GALNT13: variants seen among roughly 807,000 people sequenced by gnomAD.
GALNT13 encodes the protein UDP-GalNAc:polypeptide N-acetylgalactosaminyltransferase 13.
GALNT13 carries 28 observed loss-of-function variants against 64.2 expected under a neutral mutation model. That is an observed-to-expected ratio of 0.44 (90% CI 0.32 to 0.60). GALNT13 has a LOEUF of 0.60. GALNT13 is among the 20% of genes least tolerant of loss of function. GALNT13 has a pLI of 0.05. For synonymous variants in GALNT13, 214 were observed against 224.6 expected (o/e 0.95, Z 0.42); for missense variants, 577 against 669.8 (o/e 0.86, Z 1.53).
chr2:153,761,968 T>A, the GALNT13 span: 1 of 183,346 alleles, frequency 5.5e-6, no homozygotes, highest in Non-Finnish European at 1.2e-5. Context: ...TCTTTCACCA[T>A]GAAATGTTAT....
chr2:153,479,511 C>T, the GALNT13 span, among the ~76,000 whole-genome samples: 1 of 152,124 alleles, frequency 6.6e-6, no homozygotes, highest in East Asian at 1.9e-4. Flanking sequence ...TCTTCTGTGG[C>T]CCTTGGGTGG....
chr2:153,941,497 G>A (rs1197276955), intron 2 of GALNT13, among the ~76,000 whole-genome samples: 1 of 152,120 alleles, frequency 6.6e-6, no homozygotes, highest in African/African-American at 2.4e-5. Flanking sequence ...GGATATTGAA[G>A]AACTTGGATT....
rs564657766 is a variant in GALNT13 at position 154,112,239 on chromosome 2, G to A, written c.143-28098G>A. 4.6e-5 allele frequency among the ~76,000 whole-genome samples: 7 copies of A among 152,298 alleles called. No homozygotes were observed. In the East Asian group the frequency reaches 1.4e-3, roughly 29 times the overall value. On this transcript the variant is annotated intron_variant, in intron 3 of 12. Coordinates refer to ENST00000392825, the MANE Select transcript of GALNT13 (RefSeq NM_052917.4). ...AGGCACTCAGCAGTCACTGTAGCTA[G>A]GTCAGCCTTGGTGAGTGGAAGTCCA...
At chr2:153,512,188 TCAGATC>T in the GALNT13 span, among the ~76,000 whole-genome samples, 1 of 152,162 alleles carries the variant, frequency 6.6e-6, no homozygotes, top group Admixed American at 6.5e-5. Context: ...AGACGGTTAT[TCAGATC>T]CAGATCTTCA....
chr2:153,287,178 G>T, the GALNT13 span, among the ~76,000 whole-genome samples: 4 of 152,192 alleles, frequency 2.6e-5, no homozygotes, highest in Admixed American at 1.3e-4. Context: ...GCACGCGATG[G>T]GGGTGTGGCT....
the GALNT13 span, among the ~76,000 whole-genome samples, chr2:153,676,929 A>G: frequency 6.6e-6 from 1 of 152,140 alleles, no homozygotes; most frequent in African/African-American, 2.4e-5. Flanking sequence ...ATCATACCGA[A>G]TGGGCAAAAG....
chr2:153,393,957 C>T, the GALNT13 span, among the ~76,000 whole-genome samples: 1 of 91,348 alleles, frequency 1.1e-5, no homozygotes, highest in Admixed American at 9.5e-5. Context: ...TACACACACA[C>T]ACACACACAC....
At chr2:154,215,567 G>T (rs1351426434) in intron 4 of GALNT13, among the ~76,000 whole-genome samples, 2 of 152,058 alleles carry the variant, frequency 1.3e-5, no homozygotes, top group African/African-American at 4.8e-5. Flanking sequence ...CCAGCCAATA[G>T]GTAGTAACTA....
At chr2:153,490,043 C>G in the GALNT13 span, among the ~76,000 whole-genome samples, 1 of 151,840 alleles carries the variant, frequency 6.6e-6, no homozygotes, top group African/African-American at 2.4e-5. Context: ...GCAGCTTCAG[C>G]AATGCAACAT....
the GALNT13 span, among the ~76,000 whole-genome samples, chr2:153,529,060 A>G: frequency 3.6e-4 from 54 of 152,054 alleles, 1 homozygote; most frequent in East Asian, 9.3e-3. Context: ...GGAATAAAGG[A>G]AATAATAAAG....
chr2:154,422,540 C>G (rs754792036), intron 11 of GALNT13, among the ~76,000 whole-genome samples: 10 of 152,260 alleles, frequency 6.6e-5, no homozygotes, highest in Non-Finnish European at 1.2e-4. Flanking sequence ...AAATCTTAGT[C>G]TTCTAATGAA....
the GALNT13 span, among the ~76,000 whole-genome samples, chr2:153,797,942 C>T: frequency 6.6e-6 from 1 of 152,124 alleles, no homozygotes; most frequent in Non-Finnish European, 1.5e-5. Context: ...ATAAGCCCTA[C>T]CATCATCTAG....
intron 3 of GALNT13, among the ~76,000 whole-genome samples, chr2:153,946,696 C>T (rs1691775674): frequency 6.6e-6 from 1 of 151,040 alleles, no homozygotes; most frequent in African/African-American, 2.4e-5. Context: ...AATCACCCCC[C>T]AAAGGCCCTA....
chr2:154,414,335 T>C (rs1699914096), intron 11 of GALNT13, among the ~76,000 whole-genome samples: 1 of 152,028 alleles, frequency 6.6e-6, no homozygotes, highest in South Asian at 2.1e-4. Context: ...TATTATCTTA[T>C]TTTACTTACG....
intron 7 of GALNT13, 73 bp from the exon 8 acceptor site, chr2:154,258,948 G>A (rs984310466): frequency 6.6e-5 from 50 of 758,066 alleles, no homozygotes; most frequent in Non-Finnish European, 1.1e-4. Flanking sequence ...TCAAAAATAC[G>A]TGCTACAGTC....
the GALNT13 span, among the ~76,000 whole-genome samples, chr2:153,793,304 T>TA: frequency 6.6e-6 from 1 of 151,918 alleles, no homozygotes; most frequent in Non-Finnish European, 1.5e-5. Context: ...TTAAAGGCTT[T>TA]AAAAAAAATA....
chr2:154,362,700 T>C (rs1181415995), intron 9 of GALNT13, among the ~76,000 whole-genome samples: 1 of 152,168 alleles, frequency 6.6e-6, no homozygotes. Context: ...AACTGGTCAT[T>C]GTTTTATGCA....
chr2:153,854,442 G>A, the GALNT13 span, among the ~76,000 whole-genome samples: 2,010 of 151,906 alleles, frequency 0.013, 51 homozygotes, highest in Admixed American at 0.054. Flanking sequence ...TTAGCCAGGC[G>A]TGGGGGTGCA....
intron 9 of GALNT13, among the ~76,000 whole-genome samples, chr2:154,302,440 C>T (rs531911024): frequency 1.1e-3 from 165 of 152,332 alleles, no homozygotes; most frequent in Non-Finnish European, 1.9e-3. Context: ...CCTACATCCT[C>T]TTTCTGTAAT....
Sources: allele counts gnomAD v4.1 joint callset (sites outside exome capture counted in the v4.1 genomes callset), GRCh38; gene constraint gnomAD v4.1.1; transcripts MANE v1.5; gene names NCBI Gene and HGNC (gene_info 2026-07-23, HGNC 2026-07-21).